SNX30: variants seen among roughly 807,000 people sequenced by gnomAD.
SNX30 encodes sorting nexin-30.
SNX30 carries 24 observed loss-of-function variants against 46.4 expected under a neutral mutation model. The observed-to-expected ratio is 0.52, with a 90% confidence interval of 0.37 to 0.73. SNX30 has a LOEUF of 0.73. Ranked by LOEUF, SNX30 falls within the 30% of genes least tolerant of loss-of-function variation. SNX30 has a pLI of 0.00. For missense variants in SNX30, 533 were observed against 555.7 expected, an observed-to-expected ratio of 0.96 and a Z score of 0.41; for synonymous variants, 189 against 211.5, an observed-to-expected ratio of 0.89 and a Z score of 0.92.
At chr9:112,833,069 C>T (rs547652276) in intron 4 of SNX30, among the ~76,000 whole-genome samples, 13 of 151,910 alleles carry the variant, frequency 8.6e-5, no homozygotes, top group Non-Finnish European at 1.3e-4. Flanking sequence ...CTAACATTTA[C>T]TATCCTAACA....
chr9:112,876,127 A>AG (rs1309330532), downstream of SNX30, among the ~76,000 whole-genome samples: 1 of 152,124 alleles, frequency 6.6e-6, no homozygotes, highest in Non-Finnish European at 1.5e-5. Context: ...AAAATACTGA[A>AG]GGACGGTGTC....
At chr9:112,772,960 T>A (rs112506285) in intron 1 of SNX30, among the ~76,000 whole-genome samples, 3 of 152,368 alleles carry the variant, frequency 2.0e-5, no homozygotes, top group African/African-American at 7.2e-5. Flanking sequence ...GGTGTTGCAG[T>A]AAATGGGTCA....
downstream of SNX30, among the ~76,000 whole-genome samples, chr9:112,883,332 G>T (rs543507087): frequency 6.6e-6 from 1 of 152,116 alleles, no homozygotes; most frequent in East Asian, 1.9e-4. Context: ...AGGAGAGGCC[G>T]CACCCAGATA....
chr9:112,808,843 GTATGGAT>G (rs1429272434), intron 2 of SNX30, among the ~76,000 whole-genome samples: 48 of 152,274 alleles, frequency 3.2e-4, no homozygotes, highest in African/African-American at 1.1e-3. Context: ...GCGTTCCATT[GTATGGAT>G]GTGCCCTCAT....
intron 8 of SNX30, among the ~76,000 whole-genome samples, chr9:112,867,609 C>A (rs1307139120): frequency 6.6e-6 from 1 of 151,544 alleles, no homozygotes; most frequent in African/African-American, 2.4e-5. Context: ...GATTCCTCTT[C>A]AGAGCTCCTC....
At chr9:112,795,765 T>TCTCTCACACACACACA (rs34877094) in intron 1 of SNX30, among the ~76,000 whole-genome samples, 2 of 123,222 alleles carry the variant, frequency 1.6e-5, no homozygotes, top group East Asian at 2.1e-4. Context: ...CACAGTACAG[T>TCTCTCACACACACACA]CACACACACA....
chr9:112,883,778 A>G (rs191908811), downstream of SNX30, among the ~76,000 whole-genome samples: 1,222 of 150,466 alleles, frequency 8.1e-3, 11 homozygotes, highest in Non-Finnish European at 0.013. Flanking sequence ...GCTCACTGCA[A>G]CTACCACCTC....
chr9:112,751,044 C>T lies in SNX30; in HGVS notation c.43C>T (p.His15Tyr), dbSNP rs559091056. Residue 15 changes from histidine (H) to tyrosine (Y), a missense_variant, in exon 1 of 9, where the codon CAC becomes TAC. His to Tyr is a moderately conservative substitution (Grantham distance 83). Around this residue, in one of 3 missense-constraint regions of SNX30, gnomAD observed 191 missense variants for 160.3 expected, o/e 1.19. Coordinates refer to ENST00000374232, the MANE Select transcript of SNX30 (RefSeq NM_001012994.2). ...PPKALPSTGP[H>Y]SLRDMPHPLA... Reference sequence around the variant, plus strand: ...CAAGGCCCTGCCGTCCACGGGGCCCCACTCCCTGCGCGACATGCCGCACCC... The same window carrying T: ...CAAGGCCCTGCCGTCCACGGGGCCCTACTCCCTGCGCGACATGCCGCACCC... The T allele has an allele frequency of 1.1e-4, 164 of 1,484,234 alleles. 2 individuals are homozygous for T. The East Asian group carries it at 3.4e-3, about 31-fold the overall frequency. 91.9% of individuals were successfully genotyped at this position (1,484,234 alleles called of 1,614,324 possible).
intron 1 of SNX30, among the ~76,000 whole-genome samples, chr9:112,778,048 G>A (rs1839778066): frequency 6.6e-6 from 1 of 152,150 alleles, no homozygotes; most frequent in African/African-American, 2.4e-5. Context: ...TCAACTGGAG[G>A]TTCATTGGAC....
At chr9:112,822,667 T>C (rs1464117103) in intron 3 of SNX30, among the ~76,000 whole-genome samples, 2 of 152,126 alleles carry the variant, frequency 1.3e-5, no homozygotes, top group Non-Finnish European at 2.9e-5. Flanking sequence ...TCCCCCTTAT[T>C]TGTGGTTTTG....
rs748846386 is a variant in SNX30 at position 112,804,785 on chromosome 9, T to G, written c.166T>G (p.Leu56Val). 48 of 1,606,186 alleles carry G rather than the reference T, an allele frequency of 3.0e-5. No homozygotes were observed. Among genetic ancestry groups the G allele is most frequent in the Non-Finnish European group, 4.0e-5 (47 of 1,176,074 alleles). The change falls in exon 2 of 9, where the codon TTG (leucine) becomes GTG (valine). Residue 56 changes from leucine (L) to valine (V), a missense_variant. Coordinates refer to ENST00000374232, the MANE Select transcript of SNX30 (RefSeq NM_001012994.2). The part of the protein sequence containing the change: ...ARSFGDKDLI[L>V]PNGGTPAGTS... ...TCTTTTCTTCTTTTAGGATCTCATT[T>G]TGCCCAACGGTGGTACTCCAGCAGG... is the stretch of plus-strand genomic sequence containing the variant.
intron 4 of SNX30, among the ~76,000 whole-genome samples, chr9:112,834,827 AACACACACACACACAAACACAC>A (rs1472004252): frequency 4.7e-5 from 5 of 106,338 alleles, no homozygotes; most frequent in Non-Finnish European, 9.3e-5. Context: ...CCGTGGATTA[AACACACACACACACAAACACAC>A]ACACACACAC....
At chr9:112,776,424 C>T (rs1839748872) in intron 1 of SNX30, among the ~76,000 whole-genome samples, 1 of 152,050 alleles carries the variant, frequency 6.6e-6, no homozygotes, top group Non-Finnish European at 1.5e-5. Context: ...GTTTTTGGAC[C>T]TCCTCTGACT....
At chr9:112,847,446 C>CTTTTTTTTT (rs34501288) in intron 6 of SNX30, among the ~76,000 whole-genome samples, 1 of 146,312 alleles carries the variant, frequency 6.8e-6, no homozygotes, top group East Asian at 2.0e-4. Context: ...TACAAGCATT[C>CTTTTTTTTT]TTTTTTTTTT....
At chr9:112,854,474 C>T (rs1241388644) in intron 7 of SNX30, among the ~76,000 whole-genome samples, 5 of 152,230 alleles carry the variant, frequency 3.3e-5, no homozygotes, top group African/African-American at 1.2e-4. Flanking sequence ...ATGACTAGTC[C>T]GTCCTGAACA....
At chr9:112,786,481 G>T (rs1839928912) in intron 1 of SNX30, among the ~76,000 whole-genome samples, 1 of 151,818 alleles carries the variant, frequency 6.6e-6, no homozygotes, top group Non-Finnish European at 1.5e-5. Flanking sequence ...AAGGCTGTAA[G>T]AGTTTTTTTT....
intron 1 of SNX30, among the ~76,000 whole-genome samples, chr9:112,784,982 A>G (rs920966414): frequency 2.6e-5 from 4 of 152,190 alleles, no homozygotes; most frequent in Non-Finnish European, 5.9e-5. Context: ...ACATAAGCGA[A>G]CAGATTTTGC....
chr9:112,775,540 A>AC (rs746679987), intron 1 of SNX30, among the ~76,000 whole-genome samples: 1 of 60,512 alleles, frequency 1.7e-5, no homozygotes, highest in Non-Finnish European at 3.1e-5. Context: ...TTTATTTTAA[A>AC]TTTGTGTGTG....
At chr9:112,835,983 G>A (rs959976398) in intron 4 of SNX30, among the ~76,000 whole-genome samples, 2 of 152,176 alleles carry the variant, frequency 1.3e-5, no homozygotes, top group African/African-American at 2.4e-5. Flanking sequence ...TTAAGGATTG[G>A]CGTTCAGCTC....
Sources: gnomAD v4.1 joint callset for allele counts (sites outside exome capture counted in the v4.1 genomes callset) on GRCh38, gnomAD v4.1.1 for gene constraint, gnomAD v4.1.1 regional missense constraint, MANE v1.5 for transcripts, NCBI Gene and HGNC (gene_info 2026-07-23, HGNC 2026-07-21) for gene names.